EPC2: variants seen among roughly 807,000 people sequenced by gnomAD.
EPC2 encodes the protein enhancer of polycomb homolog 2.
EPC2 carries 14 observed loss-of-function variants against 92.1 expected under a neutral mutation model. That is an observed-to-expected ratio of 0.15 (90% CI 0.10 to 0.24). The LOEUF is 0.24. Among genes scored for constraint, EPC2 ranks in the 10% least tolerant of loss-of-function variants. EPC2 has a pLI of 1.00. For synonymous variants in EPC2, 340 were observed against 334.7 expected (o/e 1.02, Z -0.17); for missense variants, 755 against 971.5 (o/e 0.78, Z 2.96).
chr2:148,703,473 G>T (rs1007833501), intron 2 of EPC2, among the ~76,000 whole-genome samples: 1 of 151,934 alleles, frequency 6.6e-6, no homozygotes, highest in Non-Finnish European at 1.5e-5. Context: ...AACAAAAAAC[G>T]TTTCAGGATC....
At chr2:148,683,165 T>C (rs1272919022) in intron 1 of EPC2, among the ~76,000 whole-genome samples, 1 of 152,076 alleles carries the variant, frequency 6.6e-6, no homozygotes, top group East Asian at 1.9e-4. Flanking sequence ...TTTCTGAGAT[T>C]TTGGTGCACC....
At position 148,743,701 on chromosome 2, in the gene EPC2, G is replaced by C; in HGVS notation, c.393G>C (p.Lys131Asn). 6.2e-7 allele frequency: 1 copy of C among 1,607,266 alleles called. No individual in the cohort carries two copies. Among genetic ancestry groups the C allele is most frequent in the South Asian group, 1.1e-5 (1 of 89,890 alleles). The change falls in exon 3 of 14, where the codon AAG becomes AAC. Residue 131 changes from lysine to asparagine, a missense_variant. This residue lies in a region of EPC2 where 509 missense variants were observed against 607.7 expected (regional missense o/e 0.84). Coordinates refer to ENST00000258484, the MANE Select transcript of EPC2 (RefSeq NM_015630.4). ...CTTTATTAAATAGACTTAACAGAAA[G>C]ATGGAAATTAAGCCTTTGCAATTTG... Reference protein sequence around the residue: ...DETLLNRLNRKMEIKPLQFEI... With the variant: ...DETLLNRLNRNMEIKPLQFEI...
At chr2:148,649,219 A>G (rs1680606790) in intron 1 of EPC2, among the ~76,000 whole-genome samples, 1 of 152,222 alleles carries the variant, frequency 6.6e-6, no homozygotes. Context: ...TATACTTTAC[A>G]TACAAAAAAA....
intron 2 of EPC2, among the ~76,000 whole-genome samples, chr2:148,702,597 G>T (rs551828079): frequency 2.6e-5 from 4 of 152,154 alleles, no homozygotes; most frequent in African/African-American, 9.7e-5. Flanking sequence ...TTTTTAACCA[G>T]CCTAGTCTCC....
chr2:148,652,756 G>A (rs374079638), intron 1 of EPC2, among the ~76,000 whole-genome samples: 1 of 152,086 alleles, frequency 6.6e-6, no homozygotes, highest in East Asian at 1.9e-4. Flanking sequence ...TGTCAATTTG[G>A]CTTATCGTTC....
At chr2:148,714,014 C>CCCAGAATCCATTAGCTGTTCTT (rs1682209399) in intron 2 of EPC2, among the ~76,000 whole-genome samples, 2 of 151,998 alleles carry the variant, frequency 1.3e-5, no homozygotes, top group Admixed American at 6.6e-5. Flanking sequence ...AGGTATTAAG[C>CCCAGAATCCATTAGCTGTTCTT]CCAGAATCCA....
intron 1 of EPC2, among the ~76,000 whole-genome samples, chr2:148,671,105 A>C (rs754393629): frequency 7.9e-5 from 12 of 152,196 alleles, no homozygotes; most frequent in African/African-American, 2.4e-5. Context: ...CAACCTTATT[A>C]AGTTGCTTAG....
chr2:148,698,329 A>G (rs1035893003), intron 2 of EPC2, among the ~76,000 whole-genome samples: 1 of 152,018 alleles, frequency 6.6e-6, no homozygotes, highest in Admixed American at 6.6e-5. Flanking sequence ...AAGTTTTCTC[A>G]TTACTGGCTT....
chr2:148,766,170 A>G (rs934456199), intron 7 of EPC2, among the ~76,000 whole-genome samples: 2 of 152,226 alleles, frequency 1.3e-5, no homozygotes, highest in African/African-American at 4.8e-5. Flanking sequence ...ACCTTGAACT[A>G]CTACCAGCTT....
intron 2 of EPC2, among the ~76,000 whole-genome samples, chr2:148,727,310 A>C (rs571104691): frequency 1.3e-5 from 2 of 152,066 alleles, no homozygotes; most frequent in Non-Finnish European, 2.9e-5. Context: ...TGCCAATTCC[A>C]TACTGTTTAA....
At chr2:148,657,269 T>TA (rs1680822172) in intron 1 of EPC2, among the ~76,000 whole-genome samples, 1 of 152,146 alleles carries the variant, frequency 6.6e-6, no homozygotes, top group Non-Finnish European at 1.5e-5. Flanking sequence ...TCACTTTCTG[T>TA]AAAAGCCAAG....
chr2:148,751,699 ATTT>A (rs1255771779), intron 3 of EPC2, among the ~76,000 whole-genome samples: 1 of 152,086 alleles, frequency 6.6e-6, no homozygotes, highest in African/African-American at 2.4e-5. Context: ...GATTTTGCAG[ATTT>A]TTAATCATGT....
intron 1 of EPC2, among the ~76,000 whole-genome samples, chr2:148,680,646 A>C (rs150114826): frequency 6.6e-6 from 1 of 152,334 alleles, no homozygotes; most frequent in African/African-American, 2.4e-5. Flanking sequence ...AATGAAGTTG[A>C]CAGAGAAATT....
chr2:148,736,361 A>G (rs1013986403), intron 2 of EPC2, among the ~76,000 whole-genome samples: 9 of 152,094 alleles, frequency 5.9e-5, no homozygotes, highest in Non-Finnish European at 1.5e-5. Flanking sequence ...TTTTGACGTG[A>G]TAATATTATA....
At chr2:148,752,872 A>T (rs780964319) in intron 3 of EPC2, among the ~76,000 whole-genome samples, 15 of 152,126 alleles carry the variant, frequency 9.9e-5, no homozygotes, top group Admixed American at 7.9e-4. Context: ...CAATTTTTAT[A>T]TTGATCTTAT....
At chr2:148,712,546 C>T (rs1484318380) in intron 2 of EPC2, among the ~76,000 whole-genome samples, 1 of 152,098 alleles carries the variant, frequency 6.6e-6, no homozygotes, top group Non-Finnish European at 1.5e-5. Flanking sequence ...TAGAACAGTG[C>T]ATTACTGATG....
At chr2:148,649,942 T>A (rs1680638987) in intron 1 of EPC2, among the ~76,000 whole-genome samples, 1 of 152,176 alleles carries the variant, frequency 6.6e-6, no homozygotes, top group African/African-American at 2.4e-5. Context: ...TGCTCTTGGG[T>A]TTTCAGATTT....
At chr2:148,655,926 C>T (rs779442834) in intron 1 of EPC2, among the ~76,000 whole-genome samples, 1 of 148,408 alleles carries the variant, frequency 6.7e-6, no homozygotes. Flanking sequence ...AATTTAACAG[C>T]ACAAAAGCAT....
At chr2:148,664,733 C>T (rs1681025610) in intron 1 of EPC2, among the ~76,000 whole-genome samples, 3 of 152,192 alleles carry the variant, frequency 2.0e-5, no homozygotes, top group Admixed American at 2.0e-4. Flanking sequence ...AATGGAATCA[C>T]AGTATATACT....
Sources: allele counts gnomAD v4.1 joint callset (sites outside exome capture counted in the v4.1 genomes callset), GRCh38; gene constraint gnomAD v4.1.1; regional missense constraint gnomAD v4.1.1; transcripts MANE v1.5; gene names NCBI Gene and HGNC (gene_info 2026-07-23, HGNC 2026-07-21).